The following ADAM32 variants were observed in gnomAD, a reference collection of about 807,000 sequenced individuals.
The protein encoded by ADAM32 is ADAM metallopeptidase domain 32.
ADAM32 carries 89 observed loss-of-function variants against 114.9 expected under a neutral mutation model. The ratio of observed to expected loss-of-function variants is 0.77; its 90% confidence interval spans 0.65 to 0.92. ADAM32 has a LOEUF of 0.92. ADAM32 is among the 40% of genes least tolerant of loss of function. ADAM32 has a pLI of 0.00. For missense variants in ADAM32, 870 were observed against 932.8 expected (o/e 0.93, Z 0.88); for synonymous variants, 285 against 307.5 (o/e 0.93, Z 0.77).
chr8:39,178,586 G>A (rs1225149325), intron 10 of ADAM32, among the ~76,000 whole-genome samples: 1 of 152,196 alleles, frequency 6.6e-6, no homozygotes, highest in Admixed American at 6.5e-5. Flanking sequence ...ATTTGGAGGA[G>A]CAGAGACATT....
chr8:39,240,013 G>A (rs1259558510), intron 16 of ADAM32, among the ~76,000 whole-genome samples: 2 of 152,128 alleles, frequency 1.3e-5, no homozygotes, highest in East Asian at 1.9e-4. Flanking sequence ...GCACCGGACA[G>A]GTCATCAAGA....
intron 3 of ADAM32, among the ~76,000 whole-genome samples, chr8:39,146,112 A>C (rs972107352): frequency 6.6e-6 from 1 of 152,172 alleles, no homozygotes; most frequent in Admixed American, 6.5e-5. Flanking sequence ...TTGTGAGATC[A>C]GTTTGAGTGG....
intron 2 of ADAM32, chr8:39,130,209 T>C (rs1036329544): frequency 6.5e-6 from 1 of 154,532 alleles, no homozygotes; most frequent in African/African-American, 2.4e-5. Context: ...CCTGCCTACA[T>C]TTTCTTATAA....
intron 12 of ADAM32, among the ~76,000 whole-genome samples, chr8:39,219,091 T>C (rs1808776445): frequency 6.6e-6 from 1 of 152,074 alleles, no homozygotes; most frequent in South Asian, 2.1e-4. Context: ...TTCACCACCC[T>C]GATCAGTGCC....
chr8:39,162,000 TTATA>T (rs5891056), intron 7 of ADAM32, among the ~76,000 whole-genome samples: 35,163 of 144,324 alleles, frequency 0.24, 4,665 homozygotes, highest in Non-Finnish European at 0.29. Context: ...TTATTTTATT[TTATA>T]TATATATATA....
At chr8:39,243,909 G>A (rs555018925) in intron 16 of ADAM32, among the ~76,000 whole-genome samples, 4 of 152,142 alleles carry the variant, frequency 2.6e-5, no homozygotes, top group Non-Finnish European at 4.4e-5. Flanking sequence ...AAAAAGCTCC[G>A]AGATTAGATA....
intron 10 of ADAM32, among the ~76,000 whole-genome samples, chr8:39,175,756 C>T (rs1316297165): frequency 6.6e-6 from 1 of 152,098 alleles, no homozygotes; most frequent in African/African-American, 2.4e-5. Flanking sequence ...AAAATGGTAC[C>T]AGCTCTTCTT....
In ADAM32 at chr8:39,160,852, T is replaced by C; in HGVS notation, c.526-45T>C. 10 of 1,482,378 alleles carry C rather than the reference T, an allele frequency of 6.7e-6. No individual in the cohort carries two copies. The African/African-American group carries it at 8.5e-5, about 13-fold the overall frequency. 91.8% of individuals were successfully genotyped at this position (1,482,378 alleles called of 1,614,324 possible). ...TTAAAGAAGAGTTCAAGTAAAAAAA[T>C]TATGAAATTTTTCATGTATTATATG... On this transcript the variant is annotated intron_variant, in intron 6 of 24. Coordinates refer to ENST00000379907, the MANE Select transcript of ADAM32 (RefSeq NM_145004.7).
At chr8:39,221,561 T>C (rs529095673) in intron 12 of ADAM32, 49 bp from the exon 13 acceptor site, 2 of 1,426,374 alleles carry the variant, frequency 1.4e-6, no homozygotes, top group South Asian at 2.4e-5. Context: ...AGTAAAGATT[T>C]TACTATTGTC....
rs1813397501 is a variant in ADAM32 at position 39,281,167 on chromosome 8, A to G, written c.2311A>G (p.Thr771Ala). Residue 771 changes from threonine to alanine, a missense_variant, in exon 23 of 25, where the codon ACT (threonine) becomes GCT (alanine). Thr to Ala is a moderately conservative substitution (Grantham distance 58, BLOSUM62 0). Transcript: ENST00000379907. ...ATCAGAAGATAGTGCTGAAGCATAT[A>G]CTAGCAGGTAAGCAGGATAGAAAGT... ...SKSEDSAEAYTSRSKSQDSTQ... is the reference protein window; with the variant it reads ...SKSEDSAEAYASRSKSQDSTQ... The G allele has an allele frequency of 1.1e-5, 15 of 1,377,940 alleles. No homozygotes were observed. The highest frequency in any genetic ancestry group is 1.4e-5 in the Non-Finnish European group (15 of 1,044,174). The allele number at this position is 1,377,940 out of a possible 1,614,324, so 85.4% of individuals were successfully genotyped here.
At chr8:39,251,308 C>G (rs1585646230) in intron 17 of ADAM32, among the ~76,000 whole-genome samples, 1 of 151,736 alleles carries the variant, frequency 6.6e-6, no homozygotes, top group African/African-American at 2.4e-5. Flanking sequence ...GTGAGTCTTT[C>G]CTTTTCTCCA....
At chr8:39,173,206 C>T (rs778873573) in intron 10 of ADAM32, among the ~76,000 whole-genome samples, 10 of 152,142 alleles carry the variant, frequency 6.6e-5, no homozygotes, top group East Asian at 1.9e-4. Context: ...TGCAGTAAGC[C>T]GAGATCGTGC....
At chr8:39,261,286 T>A (rs1812011989) in intron 19 of ADAM32, among the ~76,000 whole-genome samples, 1 of 152,218 alleles carries the variant, frequency 6.6e-6, no homozygotes, top group Non-Finnish European at 1.5e-5. Flanking sequence ...CAACTTTTTT[T>A]TAGCTTCCAC....
At chr8:39,153,798 G>A (rs1400503719) in intron 6 of ADAM32, among the ~76,000 whole-genome samples, 1 of 151,946 alleles carries the variant, frequency 6.6e-6, no homozygotes, top group African/African-American at 2.4e-5. Context: ...TTGTCTTTGG[G>A]TTTCCTTTGA....
intron 16 of ADAM32, among the ~76,000 whole-genome samples, chr8:39,244,379 C>T (rs770708402): frequency 6.6e-6 from 1 of 152,144 alleles, no homozygotes; most frequent in Non-Finnish European, 1.5e-5. Context: ...GGAAGCATCA[C>T]ATTACCTGAC....
At chr8:39,108,300 T>C (rs1325630693) in intron 1 of ADAM32, 1 of 152,196 alleles carries the variant, frequency 6.6e-6, no homozygotes, top group African/African-American at 2.4e-5. Context: ...ATTAAAAAAA[T>C]TATTTTTGTG....
At chr8:39,184,969 A>G (rs866733894) in intron 10 of ADAM32, among the ~76,000 whole-genome samples, 3 of 152,124 alleles carry the variant, frequency 2.0e-5, no homozygotes, top group Non-Finnish European at 4.4e-5. Context: ...CCTGGTCCCA[A>G]TGTTCCTGTT....
intron 1 of ADAM32, among the ~76,000 whole-genome samples, chr8:39,110,226 G>A (rs1187922114): frequency 6.6e-6 from 1 of 152,050 alleles, no homozygotes; most frequent in Non-Finnish European, 1.5e-5. Context: ...CTGCTACCAT[G>A]CCCAGCTAAT....
In ADAM32 at chr8:39,284,870, G is replaced by A. The variant is rs966589936; in HGVS notation, c.*71G>A. 2.9e-5 allele frequency: 46 copies of A among 1,568,922 alleles called. No individual in the cohort carries two copies. The highest frequency in any genetic ancestry group is 1.1e-4 in the African/African-American group (8 of 73,966). The stretch of plus-strand genomic sequence containing the variant: ...AAATGAAAATTCTGTCTTTCCTTCC[G>A]TGGTCACAGCTGAAAGAAACAATAA... On this transcript the variant is annotated 3_prime_UTR_variant, in exon 25 of 25. Coordinates refer to ENST00000379907, the MANE Select transcript of ADAM32 (RefSeq NM_145004.7).
Sources: allele counts gnomAD v4.1 joint callset (sites outside exome capture counted in the v4.1 genomes callset), GRCh38; gene constraint gnomAD v4.1.1; transcripts MANE v1.5; gene names NCBI Gene and HGNC (gene_info 2026-07-23, HGNC 2026-07-21).